TET1: variants seen among roughly 807,000 people sequenced by gnomAD.
TET1 encodes methylcytosine dioxygenase TET1.
TET1 carries 13 observed loss-of-function variants against 148.7 expected under a neutral mutation model. The ratio of observed to expected loss-of-function variants is 0.09; its 90% CI spans 0.06 to 0.14. The LOEUF is 0.14. Among genes scored for constraint, TET1 ranks in the 10% least tolerant of loss-of-function variants. The pLI is 1.00. For synonymous variants in TET1, 907 were observed against 937.2 expected (o/e 0.97, Z 0.59); for missense variants, 2,182 against 2,553.8 (o/e 0.85, Z 3.14).
rs1564494274 is a variant in TET1, at chr10:68,654,125, A to AAG, written c.4461+1531_4461+1532insAG. ...TGTCTCCAAAAAAAAAAAAAAAAAAAGCATGGATTGTCAGGGAATGCCTTT... is the reference window on the plus strand; with the variant it reads ...TGTCTCCAAAAAAAAAAAAAAAAAAAAGGCATGGATTGTCAGGGAATGCCTTT... On this transcript the variant is annotated intron_variant, in intron 6 of 11. Coordinates refer to ENST00000373644, the MANE Select transcript of TET1 (RefSeq NM_030625.3). 2.7e-5 allele frequency among the ~76,000 whole-genome samples: 4 copies of AAG among 147,658 alleles called. 1 individual carries two copies. The highest frequency in any genetic ancestry group is 1.0e-4 in the African/African-American group (4 of 39,196).
In TET1 at chr10:68,572,415, A is replaced by C. The variant is rs1158014559; in HGVS notation, c.77A>C (p.Gln26Pro). The change falls in exon 2 of 12, where the codon CAA becomes CCA. Residue 26 changes from glutamine to proline, a missense_variant. Transcript: ENST00000373644. ...GTAAACAAAAAAAAGAAAAACAGCC[A>C]ACTACGAAAGACAACCAAGGGAGCC... Reference protein sequence around the residue: ...EDVNKKKKNSQLRKTTKGANK... With the variant: ...EDVNKKKKNSPLRKTTKGANK... 1 of 1,613,386 alleles carries C rather than the reference A, an allele frequency of 6.2e-7. No homozygotes were observed. Among genetic ancestry groups the C allele is most frequent in the Non-Finnish European group, 8.5e-7 (1 of 1,179,908 alleles).
At chr10:68,687,956 C>G (rs1232498534) in intron 11 of TET1, among the ~76,000 whole-genome samples, 1 of 151,882 alleles carries the variant, frequency 6.6e-6, no homozygotes, top group Non-Finnish European at 1.5e-5. Flanking sequence ...CAGAGTCTTG[C>G]TATGTTGCCA....
At position 68,560,656 on chromosome 10, in the gene TET1, G is replaced by C. The variant is rs561779443; in HGVS notation, c.-209G>C. 1 of 152,834 alleles carries C rather than the reference G, an allele frequency of 6.5e-6. No homozygotes were observed. The highest frequency in any genetic ancestry group is 1.9e-4 in the East Asian group (1 of 5,204). The allele number at this position is 152,834 out of a possible 1,614,324, so 9.5% of individuals were successfully genotyped here. A position where few individuals can be genotyped will look rare whatever the true frequency, so the allele number is the denominator to read the frequency against. On this transcript the variant is annotated 5_prime_UTR_variant, in exon 1 of 12. Coordinates refer to ENST00000373644, the MANE Select transcript of TET1 (RefSeq NM_030625.3). ...CCCGGGCTCCAAAGTTGTGGGGACC[G>C]GCGCGAGTTGGAAAGTTTGCCCGAG...
intron 2 of TET1, among the ~76,000 whole-genome samples, chr10:68,589,662 A>ATTTTTTTTTT (rs57278279): frequency 1.8e-5 from 2 of 109,766 alleles, no homozygotes; most frequent in African/African-American, 3.9e-5. Flanking sequence ...AATATCTCCA[A>ATTTTTTTTTT]TTTTTTTTTT....
chr10:68,589,385 A>G (rs190246754), intron 2 of TET1, among the ~76,000 whole-genome samples: 295 of 152,302 alleles, frequency 1.9e-3, no homozygotes, highest in African/African-American at 6.7e-3. Flanking sequence ...TGCAATTAGC[A>G]TGGAGCTAGC....
intron 1 of TET1, among the ~76,000 whole-genome samples, chr10:68,563,177 G>A (rs911474786): frequency 6.6e-6 from 1 of 151,886 alleles, no homozygotes; most frequent in Non-Finnish European, 1.5e-5. Context: ...TCTCTGCAGG[G>A]CAGAGGGGTG....
chr10:68,648,074 T>G (rs1240969983), intron 4 of TET1, among the ~76,000 whole-genome samples: 1 of 152,214 alleles, frequency 6.6e-6, no homozygotes, highest in Non-Finnish European at 1.5e-5. Context: ...GAATAACCAG[T>G]GTGCTAACAT....
chr10:68,572,333 G>T lies in TET1; in HGVS notation c.-6G>T. Reference sequence around the variant, plus strand: ...GCGCCCTTTCATTTTTTCCTACTCTGTAGCTATGTCTCGATCCCGCCATGC... The same window carrying T: ...GCGCCCTTTCATTTTTTCCTACTCTTTAGCTATGTCTCGATCCCGCCATGC... On this transcript the variant is annotated 5_prime_UTR_variant, in exon 2 of 12. Transcript: ENST00000373644. 6.3e-7 allele frequency: 1 copy of T among 1,589,784 alleles called. No homozygotes were observed. Among genetic ancestry groups the T allele is most frequent in the African/African-American group, 1.4e-5 (1 of 73,014 alleles).
At chr10:68,677,715 C>T (rs796539815) in intron 8 of TET1, among the ~76,000 whole-genome samples, 10 of 151,658 alleles carry the variant, frequency 6.6e-5, no homozygotes, top group Admixed American at 2.6e-4. Context: ...GGTGTGATCT[C>T]GGCTCACTGC....
intron 1 of TET1, among the ~76,000 whole-genome samples, chr10:68,561,198 A>G (rs1490913419): frequency 2.6e-5 from 4 of 152,016 alleles, no homozygotes; most frequent in African/African-American, 9.7e-5. Context: ...GCAAGTTGTG[A>G]GTGGGGAGTC....
intron 3 of TET1, among the ~76,000 whole-genome samples, chr10:68,628,042 G>A (rs2133011329): frequency 6.6e-6 from 1 of 152,242 alleles, no homozygotes; most frequent in South Asian, 2.1e-4. Context: ...CTGTTGCTCA[G>A]GCTGGAGTGC....
rs181049204 is a variant in TET1, at chr10:68,583,634, C to T, written c.1914+9382C>T. ...GAGCAGTAGAAGTGAGATGCTTGAC[C>T]GGACACGGTGGCTCTCGCCTGTAAT... On this transcript the variant is annotated intron_variant, in intron 2 of 11. Coordinates refer to ENST00000373644, the MANE Select transcript of TET1 (RefSeq NM_030625.3). 1.1e-4 allele frequency among the ~76,000 whole-genome samples: 16 copies of T among 152,284 alleles called. No homozygotes were observed. The South Asian group carries it at 2.1e-3, about 20-fold the overall frequency.
intron 3 of TET1, among the ~76,000 whole-genome samples, chr10:68,612,064 A>G (rs1335400002): frequency 3.3e-5 from 5 of 151,482 alleles, no homozygotes; most frequent in African/African-American, 1.2e-4. Flanking sequence ...TTTACTTACA[A>G]TGGATGAGGC....
At chr10:68,674,508 C>T (rs111995309) in intron 8 of TET1, 15 of 468,210 alleles carry the variant, frequency 3.2e-5, no homozygotes, top group African/African-American at 7.9e-5. Context: ...CCTCAAGGGT[C>T]GTGTATTTGA....
At chr10:68,580,313 A>ATTTTTTTTTTTTTTTTT (rs1163318028) in intron 2 of TET1, among the ~76,000 whole-genome samples, 2 of 60,400 alleles carry the variant, frequency 3.3e-5, no homozygotes, top group African/African-American at 6.8e-5. Flanking sequence ...ATTATATTCA[A>ATTTTTTTTTTTTTTTTT]TTTTTTTTTT....
At chr10:68,644,461 C>T (rs2054809327) in intron 3 of TET1, among the ~76,000 whole-genome samples, 1 of 152,156 alleles carries the variant, frequency 6.6e-6, no homozygotes, top group Non-Finnish European at 1.5e-5. Flanking sequence ...CCATCTTGTC[C>T]TCCCAAAGTG....
chr10:68,575,128 A>G (rs1161384279), intron 2 of TET1, among the ~76,000 whole-genome samples: 1 of 152,218 alleles, frequency 6.6e-6, no homozygotes, highest in East Asian at 1.9e-4. Context: ...TTACGCCTGT[A>G]ATCCCAACAC....
chr10:68,661,092 C>T (rs907215507), intron 6 of TET1, among the ~76,000 whole-genome samples: 10 of 151,092 alleles, frequency 6.6e-5, no homozygotes, highest in African/African-American at 2.4e-4. Context: ...TGCAGTGGTG[C>T]GATCTCGGCT....
intron 3 of TET1, among the ~76,000 whole-genome samples, chr10:68,642,611 C>CT (rs1052460885): frequency 3.2e-4 from 47 of 148,888 alleles, no homozygotes; most frequent in East Asian, 2.0e-3. Flanking sequence ...CACTTTTCTT[C>CT]TTTTTTTTTT....
Sources: gnomAD v4.1 joint callset for allele counts (sites outside exome capture counted in the v4.1 genomes callset) on GRCh38, gnomAD v4.1.1 for gene constraint, MANE v1.5 for transcripts, NCBI Gene and HGNC (gene_info 2026-07-23, HGNC 2026-07-21) for gene names.